Variants in PCDH15 observed in about 807,000 individuals in gnomAD.
PCDH15 encodes protocadherin-15.
Under a neutral mutation model 178.5 loss-of-function variants are expected in PCDH15, and 129 were observed. That is an observed-to-expected ratio of 0.72 (90% CI 0.63 to 0.84). The LOEUF (loss-of-function observed/expected upper bound fraction) is 0.84, where lower values mean the gene tolerates loss of function less well. PCDH15 is among the 40% of genes least tolerant of loss of function. The pLI is 0.00. For missense variants in PCDH15, 2,230 were observed against 2,099.9 expected (o/e 1.06, Z -1.21); for synonymous variants, 800 against 732.0 (o/e 1.09, Z -1.50).
At chr10:54,332,271 TATATAATATA>T (rs377283393) in intron 6 of PCDH15, among the ~76,000 whole-genome samples, 10 of 66,690 alleles carry the variant, frequency 1.5e-4, no homozygotes, top group African/African-American at 4.5e-4. Context: ...TATATTATTA[TATATAATATA>T]ATATAATCTA....
chr10:54,746,541 T>G (rs553823552), intron 1 of PCDH15, among the ~76,000 whole-genome samples: 15 of 152,304 alleles, frequency 9.8e-5, no homozygotes, highest in Non-Finnish European at 2.1e-4. Context: ...GATGTGATTA[T>G]CATGCATTTT....
chr10:54,580,524 A>G (rs2090937841), intron 2 of PCDH15, among the ~76,000 whole-genome samples: 1 of 152,094 alleles, frequency 6.6e-6, no homozygotes, highest in Non-Finnish European at 1.5e-5. Flanking sequence ...CAGAAATACA[A>G]AGAAGTCCTA....
rs140788291 is a variant in PCDH15, at chr10:53,829,113, G to A, written c.4203-540C>T. 3.4e-3 allele frequency among the ~76,000 whole-genome samples: 523 copies of A among 152,220 alleles called. 2 individuals carry two copies. The highest frequency in any genetic ancestry group is 0.012 in the African/African-American group (482 of 41,540). On this transcript the variant is annotated intron_variant, in intron 30 of 37. Transcript: ENST00000644397. ...TCAAAGGCATATCATTATATAAAAG[G>A]ATAGCTATTCATTCTTACCTTATTT...
At chr10:55,138,885 A>AT (rs1306682648) in intron 2 of PCDH15, among the ~76,000 whole-genome samples, 1 of 151,966 alleles carries the variant, frequency 6.6e-6, no homozygotes, top group Admixed American at 6.6e-5. Context: ...CCCTTTGTAT[A>AT]TTTTTTTAAA....
At chr10:54,724,905 T>G (rs1316609615) in intron 1 of PCDH15, among the ~76,000 whole-genome samples, 1 of 8,762 alleles carries the variant, frequency 1.1e-4, no homozygotes, top group Non-Finnish European at 6.1e-4. Context: ...TACATATATA[T>G]ATAGATATAG....
chr10:55,583,557 C>G (rs572397211), intron 2 of PCDH15, among the ~76,000 whole-genome samples: 229 of 152,234 alleles, frequency 1.5e-3, no homozygotes, highest in African/African-American at 5.3e-3. Flanking sequence ...CCTCAGCCCC[C>G]CTAGTAGCTG....
chr10:55,392,361 G>T (rs1360527920), intron 2 of PCDH15, among the ~76,000 whole-genome samples: 1 of 152,110 alleles, frequency 6.6e-6, no homozygotes, highest in African/African-American at 2.4e-5. Context: ...AAGTATGCTT[G>T]TATTAACATT....
intron 25 of PCDH15, among the ~76,000 whole-genome samples, chr10:53,908,310 C>T (rs1483740168): frequency 6.6e-6 from 1 of 152,102 alleles, no homozygotes; most frequent in South Asian, 2.1e-4. Context: ...GCTGAGAAAC[C>T]CCAAGTTAAA....
intron 8 of PCDH15, among the ~76,000 whole-genome samples, chr10:54,254,068 A>G (rs1211535055): frequency 6.6e-6 from 1 of 152,128 alleles, no homozygotes; most frequent in Non-Finnish European, 1.5e-5. Context: ...ATTTTTAGGC[A>G]TTGAAAAGGA....
intron 6 of PCDH15, among the ~76,000 whole-genome samples, chr10:54,339,850 C>T (rs1051382928): frequency 5.9e-5 from 9 of 152,158 alleles, no homozygotes; most frequent in African/African-American, 1.7e-4. Flanking sequence ...ATCGTATTAG[C>T]GTGTTTTAGC....
At chr10:54,375,817 AAT>A (rs888734477) in intron 4 of PCDH15, among the ~76,000 whole-genome samples, 4 of 113,622 alleles carry the variant, frequency 3.5e-5, no homozygotes, top group Non-Finnish European at 7.4e-5. Context: ...TATAAATAAA[AAT>A]ATATTTTTGA....
chr10:54,201,718 C>G (rs555393810), intron 10 of PCDH15, among the ~76,000 whole-genome samples: 2 of 146,038 alleles, frequency 1.4e-5, no homozygotes, highest in Non-Finnish European at 3.0e-5. Context: ...ATTCTAATTC[C>G]CATTCGATAG....
chr10:53,900,898 T>C (rs2082292840), intron 26 of PCDH15, among the ~76,000 whole-genome samples: 1 of 152,170 alleles, frequency 6.6e-6, no homozygotes, highest in Non-Finnish European at 1.5e-5. Flanking sequence ...AATGGACTAG[T>C]TTAACATTTG....
At chr10:54,364,084 T>C (rs1440342691) in intron 5 of PCDH15, among the ~76,000 whole-genome samples, 1 of 151,938 alleles carries the variant, frequency 6.6e-6, no homozygotes, top group Non-Finnish European at 1.5e-5. Context: ...TGGTGGCGCA[T>C]GCCTGTAATT....
At chr10:55,292,758 G>C (rs947028056) in intron 1 of PCDH15, among the ~76,000 whole-genome samples, 1 of 152,230 alleles carries the variant, frequency 6.6e-6, no homozygotes, top group African/African-American at 2.4e-5. Flanking sequence ...TGAAGCAAGA[G>C]GTCAGCTCCC....
chr10:54,698,746 T>G (rs2095268170), intron 1 of PCDH15, among the ~76,000 whole-genome samples: 1 of 152,166 alleles, frequency 6.6e-6, no homozygotes, highest in African/African-American at 2.4e-5. Context: ...GTTCTAACAT[T>G]ATGCCTGGCA....
At chr10:55,386,810 A>AG (rs1325160914) in intron 2 of PCDH15, among the ~76,000 whole-genome samples, 1 of 152,122 alleles carries the variant, frequency 6.6e-6, no homozygotes. Flanking sequence ...GCAAACATTG[A>AG]AGTGGTATGT....
intron 1 of PCDH15, among the ~76,000 whole-genome samples, chr10:55,225,598 G>A (rs1182989373): frequency 2.0e-5 from 3 of 151,416 alleles, no homozygotes; most frequent in East Asian, 1.9e-4. Context: ...GCCTTTAAAC[G>A]ATTGTGGGAT....
At chr10:54,129,586 A>G (rs540839759) in intron 15 of PCDH15, among the ~76,000 whole-genome samples, 9 of 152,304 alleles carry the variant, frequency 5.9e-5, no homozygotes, top group African/African-American at 2.2e-4. Context: ...TGAGCTAACT[A>G]TCCTTAATGA....
Sources: allele counts gnomAD v4.1 joint callset (sites outside exome capture counted in the v4.1 genomes callset), GRCh38; gene constraint gnomAD v4.1.1; transcripts MANE v1.5; gene names NCBI Gene and HGNC (gene_info 2026-07-23, HGNC 2026-07-21).